The following NSD2 variants were observed in gnomAD, a reference collection of about 807,000 sequenced individuals.
The protein encoded by NSD2 is histone-lysine N-methyltransferase NSD2.
In NSD2, 12 loss-of-function variants were observed where a neutral mutation model predicts 139.0. The observed-to-expected ratio is 0.09, with a 90% CI of 0.06 to 0.14. The LOEUF (loss-of-function observed/expected upper bound fraction) is 0.14, where lower values mean the gene tolerates loss of function less well. Among genes scored for constraint, NSD2 ranks in the 10% least tolerant of loss-of-function variants. The probability of loss-of-function intolerance (pLI) is 1.00; values close to 1 mark genes in which losing one functional copy is unlikely to be tolerated. For synonymous variants in NSD2, 669 were observed against 648.7 expected, an observed-to-expected ratio of 1.03 and a Z score of -0.48; for missense variants, 1,155 against 1,745.0, an observed-to-expected ratio of 0.66 and a Z score of 6.02.
At chr4:1,891,050 C>G (rs370081070) in intron 1 of NSD2, among the ~76,000 whole-genome samples, 3 of 152,154 alleles carry the variant, frequency 2.0e-5, no homozygotes, top group African/African-American at 7.2e-5. Context: ...CATGCCACCA[C>G]GCCCAGCTAA....
At chr4:1,891,726 C>T (rs1386363024) in intron 1 of NSD2, among the ~76,000 whole-genome samples, 2 of 151,666 alleles carry the variant, frequency 1.3e-5, no homozygotes, top group African/African-American at 2.4e-5. Flanking sequence ...GCGTGGTGGT[C>T]GGCACCTGTA....
intron 9 of NSD2, chr4:1,944,775 C>G: frequency 9.4e-7 from 1 of 1,064,402 alleles, no homozygotes; most frequent in African/African-American, 1.6e-5. Context: ...CCCACCTGCT[C>G]TAGATGGATC....
chr4:1,975,179 G>A, intron 19 of NSD2, 115 bp from the exon 20 acceptor site: 1 of 1,403,324 alleles, frequency 7.1e-7, no homozygotes, highest in Non-Finnish European at 9.9e-7. Context: ...CATGGGTCAA[G>A]CCAGTACAGA....
chr4:1,875,829 A>AACCC (rs1714213564), intron 1 of NSD2, among the ~76,000 whole-genome samples: 1 of 151,578 alleles, frequency 6.6e-6, no homozygotes, highest in South Asian at 2.1e-4. Flanking sequence ...GAATGGCGTT[A>AACCC]ACCCAGGAGG....
rs557616162 is a variant in NSD2, at chr4:1,942,742, C to A, written c.1881+2964C>A. 1.8e-6 allele frequency: 2 copies of A among 1,091,236 alleles called. No homozygotes were observed. The highest frequency in any genetic ancestry group is 9.4e-5 in the East Asian group (2 of 21,364). The allele number at this position is 1,091,236 out of a possible 1,614,324, so 67.6% of individuals were successfully genotyped here. On this transcript the variant is annotated intron_variant, in intron 9 of 21. Coordinates refer to ENST00000508803, the MANE Select transcript of NSD2 (RefSeq NM_001042424.3). This position sits in a 1 kb window ranked among gnomAD's most constrained non-coding sequence, Gnocchi z 4.0. The stretch of plus-strand genomic sequence containing the variant: ...GGGTGGCCCTGTTAGAGTTGCTTCT[C>A]CTCTAGTTTGTAACTTACTGGACTT...
intron 6 of NSD2, among the ~76,000 whole-genome samples, chr4:1,932,031 T>A (rs999304605): frequency 6.6e-6 from 1 of 152,266 alleles, no homozygotes; most frequent in East Asian, 1.9e-4. Context: ...GTGTGTCAGG[T>A]GTATGCAGGT....
Position 1,942,887 on chromosome 4 carries a change from A to G in NSD2, c.1881+3109A>G. On this transcript the variant is annotated intron_variant, in intron 9 of 21. Coordinates refer to ENST00000508803, the MANE Select transcript of NSD2 (RefSeq NM_001042424.3). The surrounding 1 kb of genome is among the most constrained non-coding windows in gnomAD (Gnocchi z 4.0). Reference sequence around the variant, plus strand: ...TATTCAGTATTGTAGATACTACACTAATTTCCAACATAAGAGGCAGGAAGA... The same window carrying G: ...TATTCAGTATTGTAGATACTACACTGATTTCCAACATAAGAGGCAGGAAGA... 4.7e-6 allele frequency: 5 copies of G among 1,060,084 alleles called. No homozygotes were observed. Among genetic ancestry groups the G allele is most frequent in the Non-Finnish European group, 5.7e-6 (5 of 876,124 alleles). 65.7% of individuals were successfully genotyped at this position (1,060,084 alleles called of 1,614,324 possible).
At chr4:1,951,240 T>G in intron 10 of NSD2, 37 bp downstream of exon 10, 1 of 1,612,724 alleles carries the variant, frequency 6.2e-7, no homozygotes, top group Non-Finnish European at 8.5e-7. Flanking sequence ...TCCGTGCTGG[T>G]GTCTGACTGG....
chr4:1,947,559 T>G, intron 9 of NSD2: 1 of 1,053,348 alleles, frequency 9.5e-7, no homozygotes, highest in South Asian at 4.6e-5. Flanking sequence ...TTTTAGATGA[T>G]GAGTGACTTA....
At chr4:1,896,412 A>G (rs1197394338) in intron 1 of NSD2, among the ~76,000 whole-genome samples, 1 of 152,224 alleles carries the variant, frequency 6.6e-6, no homozygotes, top group East Asian at 1.9e-4. Flanking sequence ...GGTCTTGCTG[A>G]GTCTGGCGTG....
chr4:1,944,905 C>T, intron 9 of NSD2: 3 of 1,063,508 alleles, frequency 2.8e-6, no homozygotes, highest in Non-Finnish European at 3.4e-6. Flanking sequence ...ATACCTGTAT[C>T]TCCCAACTAG....
chr4:1,927,107 C>G (rs766269612), intron 5 of NSD2, among the ~76,000 whole-genome samples: 2 of 152,214 alleles, frequency 1.3e-5, no homozygotes, highest in African/African-American at 4.8e-5. Flanking sequence ...TTCTCTCACT[C>G]ATGCTGCTGG....
At chr4:1,896,364 C>T (rs1379708934) in intron 1 of NSD2, among the ~76,000 whole-genome samples, 1 of 152,234 alleles carries the variant, frequency 6.6e-6, no homozygotes, top group Admixed American at 6.5e-5. Context: ...CCTGGAGATT[C>T]TCTCTATTGC....
rs947080725 is a variant in NSD2, at chr4:1,979,312, C to A, written c.*403C>A. ...GCTAGAAACTCGTCTTCGCGTTGCCCCCTTTCTGGCTCTCAGCGCCGTCGC... is the reference window on the plus strand; with the variant it reads ...GCTAGAAACTCGTCTTCGCGTTGCCACCTTTCTGGCTCTCAGCGCCGTCGC... On this transcript the variant is annotated 3_prime_UTR_variant, in exon 22 of 22. Coordinates refer to ENST00000508803, the MANE Select transcript of NSD2 (RefSeq NM_001042424.3). 2 of 242,964 alleles carry A rather than the reference C, an allele frequency of 8.2e-6. No homozygotes were observed. Among genetic ancestry groups the A allele is most frequent in the Non-Finnish European group, 1.6e-5 (2 of 125,226 alleles). The allele number at this position is 242,964 out of a possible 1,614,324, so 15.1% of individuals were successfully genotyped here.
chr4:1,949,562 A>G (rs1577521447), intron 9 of NSD2, among the ~76,000 whole-genome samples: 1 of 152,168 alleles, frequency 6.6e-6, no homozygotes, highest in South Asian at 2.1e-4. Context: ...GGAGTTCAAG[A>G]CCAGCCTGGC....
chr4:1,961,017 C>T lies in NSD2; in HGVS notation c.3256-18C>T. The T allele has an allele frequency of 6.2e-7, 1 of 1,605,962 alleles. No homozygotes were observed. Among genetic ancestry groups the T allele is most frequent in the Non-Finnish European group, 8.5e-7 (1 of 1,173,160 alleles). On this transcript the variant is annotated intron_variant, in intron 17 of 21. Transcript: ENST00000508803. The stretch of plus-strand genomic sequence containing the variant: ...GTCAGCACGCTTTTTGTCATGGCCA[C>T]ATGCTTGTGATTTCCAGGGAGAATT...
intron 1 of NSD2, among the ~76,000 whole-genome samples, chr4:1,877,961 T>G (rs950921855): frequency 3.3e-5 from 5 of 152,068 alleles, no homozygotes; most frequent in South Asian, 4.1e-4. Flanking sequence ...CCCAGGAGTT[T>G]GAGGTTGCAG....
In NSD2 at chr4:1,917,039, TGATA is replaced by T; in HGVS notation, c.927+6_927+9del. ...CCCACGAAAGCTGAGAAAATTAAGG[TGATA>T]GATGACCCTTCAGTCTACTTTTAGA... On this transcript the variant is annotated splice_donor_5th_base_variant and intron_variant, in intron 4 of 21. Coordinates refer to ENST00000508803, the MANE Select transcript of NSD2 (RefSeq NM_001042424.3). 1.2e-6 allele frequency: 2 copies of T among 1,608,020 alleles called. No individual in the cohort carries two copies. Among genetic ancestry groups the T allele is most frequent in the Non-Finnish European group, 1.7e-6 (2 of 1,177,754 alleles).
chr4:1,889,977 C>T (rs548038567), intron 1 of NSD2, among the ~76,000 whole-genome samples: 1 of 152,306 alleles, frequency 6.6e-6, no homozygotes, highest in East Asian at 1.9e-4. Context: ...CACTGTTAAG[C>T]AGTCACTTCC....
Sources: gnomAD v4.1 joint callset for allele counts (sites outside exome capture counted in the v4.1 genomes callset) on GRCh38, gnomAD v4.1.1 for gene constraint, Gnocchi (gnomAD v3.1) non-coding constraint, MANE v1.5 for transcripts, NCBI Gene and HGNC (gene_info 2026-07-23, HGNC 2026-07-21) for gene names.